DRC3: variants seen among roughly 807,000 people sequenced by gnomAD.
DRC3 encodes dynein regulatory complex subunit 3, also known as leucine rich repeat containing 48.
In DRC3, 45 loss-of-function variants were observed where a neutral mutation model predicts 57.6. That is an observed-to-expected ratio of 0.78 (90% confidence interval 0.62 to 1.00). The LOEUF is 1.00. Ranked by LOEUF, DRC3 falls within the 50% of genes least tolerant of loss-of-function variation. The probability of loss-of-function intolerance (pLI) is 0.00; values close to 1 mark genes in which losing one functional copy is unlikely to be tolerated. For synonymous variants in DRC3, 257 were observed against 272.3 expected, an observed-to-expected ratio of 0.94 and a Z score of 0.55; for missense variants, 655 against 675.2, an observed-to-expected ratio of 0.97 and a Z score of 0.33.
chr17:17,996,169 C>T (rs545751566), intron 8 of DRC3, among the ~76,000 whole-genome samples: 83 of 152,246 alleles, frequency 5.5e-4, no homozygotes, highest in Middle Eastern at 3.4e-3. Context: ...TACAGGCATG[C>T]GCCACCACAC....
At position 17,997,528 on chromosome 17, in the gene DRC3, G is replaced by A. The variant is rs201211532; in HGVS notation, c.893G>A (p.Arg298Gln). The A allele has an allele frequency of 2.2e-5, 36 of 1,611,460 alleles. No individual in the cohort carries two copies. In the East Asian group the frequency reaches 3.8e-4, roughly 17 times the overall value. The change falls in exon 9 of 14, where the codon CGG becomes CAG. Residue 298 changes from arginine to glutamine, a missense_variant. By Grantham distance (43) the Arg-to-Gln change is conservative. Transcript: ENST00000399187. ...FEYGLKQQEK[R>Q]KTELDTFSEC... The stretch of plus-strand genomic sequence containing the variant: ...TATGGCCTGAAACAGCAGGAGAAGC[G>A]GAAAACAGAGCTTGACACCTTCAGT...
At chr17:17,975,462 G>A (rs1056237548) in intron 2 of DRC3, among the ~76,000 whole-genome samples, 7 of 151,484 alleles carry the variant, frequency 4.6e-5, no homozygotes, top group East Asian at 3.9e-4. Context: ...CGCCCACCTC[G>A]GCCTCCCAAA....
intron 5 of DRC3, chr17:17,988,482 G>C: frequency 5.6e-6 from 1 of 177,798 alleles, no homozygotes; most frequent in Non-Finnish European, 1.2e-5. Flanking sequence ...CATAGTCAAG[G>C]CACAAGGAGA....
chr17:18,013,556 C>T (rs1568550248), intron 12 of DRC3, among the ~76,000 whole-genome samples: 2 of 152,184 alleles, frequency 1.3e-5, no homozygotes, highest in African/African-American at 4.8e-5. Context: ...TTAAACACCT[C>T]ATGTTCTCAC....
chr17:17,983,996 A>G, intron 4 of DRC3, 52 bp downstream of exon 4: 1 of 1,171,766 alleles, frequency 8.5e-7, no homozygotes, highest in Non-Finnish European at 1.3e-6. Context: ...ACACCCTGAC[A>G]AGGTTATTGC....
intron 12 of DRC3, among the ~76,000 whole-genome samples, chr17:18,014,788 C>T (rs1487925952): frequency 6.6e-6 from 1 of 152,198 alleles, no homozygotes; most frequent in Non-Finnish European, 1.5e-5. Flanking sequence ...CTCCTAAGCA[C>T]ACTGCCAAGG....
chr17:17,990,283 T>A (rs2043167043), intron 5 of DRC3, among the ~76,000 whole-genome samples: 1 of 152,130 alleles, frequency 6.6e-6, no homozygotes, highest in Non-Finnish European at 1.5e-5. Context: ...TTCCGTTGGG[T>A]CAAGCCACAG....
chr17:18,007,621 G>T, intron 12 of DRC3: 5 of 1,415,100 alleles, frequency 3.5e-6, no homozygotes, highest in Non-Finnish European at 4.6e-6. Context: ...AATCAGCAGG[G>T]TCGGCCTGAG....
At chr17:17,993,067 A>T in intron 6 of DRC3, 156 bp downstream of exon 6, 1 of 753,452 alleles carries the variant, frequency 1.3e-6, no homozygotes, top group Non-Finnish European at 2.1e-6. Flanking sequence ...TGACTCTGTC[A>T]GAGTGATTCC....
At chr17:18,014,994 T>A (rs1014833588) in intron 12 of DRC3, 1 of 152,120 alleles carries the variant, frequency 6.6e-6, no homozygotes, top group African/African-American at 2.4e-5. Flanking sequence ...AAAATCAGCA[T>A]CCCACAAGAC....
rs1210467018 is a variant in DRC3 at position 17,997,468 on chromosome 17, A to C, written c.833A>C (p.Asp278Ala). The C allele has an allele frequency of 6.2e-7, 1 of 1,613,124 alleles. No individual in the cohort carries two copies. Among genetic ancestry groups the C allele is most frequent in the Admixed American group, 1.7e-5 (1 of 59,832 alleles). Residue 278 changes from aspartate to alanine, a missense_variant, in exon 9 of 14, where the codon GAC (aspartate) becomes GCC (alanine). Coordinates refer to ENST00000399187, the MANE Select transcript of DRC3 (RefSeq NM_031294.4). ...GVGELLETYKDKFVIICVNIF... is the reference protein window; with the variant it reads ...GVGELLETYKAKFVIICVNIF... ...CCTTAACAGCCACTCACCTACAAGG[A>C]CAAGTTTGTCATCATCTGCGTGAAT... is the stretch of plus-strand genomic sequence containing the variant.
At chr17:17,993,170 A>G in intron 6 of DRC3, 1 of 381,318 alleles carries the variant, frequency 2.6e-6, no homozygotes, top group South Asian at 3.8e-5. Context: ...GCCATCCTGC[A>G]CTGTCTAGTT....
chr17:18,010,760 G>A (rs1033039038), intron 12 of DRC3: 1 of 253,754 alleles, frequency 3.9e-6, no homozygotes, highest in African/African-American at 2.3e-5. Context: ...CAGGGGCTGA[G>A]GCTGCGGGGA....
At chr17:17,995,199 C>A (rs2145346097) in intron 8 of DRC3, 88 bp downstream of exon 8, 1 of 901,804 alleles carries the variant, frequency 1.1e-6, no homozygotes, top group Non-Finnish European at 1.8e-6. Context: ...TCAGTTTCTT[C>A]ATCTCTCTTG....
chr17:17,997,784 C>A, intron 9 of DRC3, 150 bp downstream of exon 9: 21 of 768,152 alleles, frequency 2.7e-5, no homozygotes, highest in Non-Finnish European at 3.9e-5. Flanking sequence ...AGAGATCATA[C>A]AGCTAATCAG....
In DRC3 at chr17:18,016,603, A is replaced by T; in HGVS notation, c.1504A>T (p.Ile502Phe). 1 of 1,613,932 alleles carries T rather than the reference A, an allele frequency of 6.2e-7. No homozygotes were observed. The highest frequency in any genetic ancestry group is 1.3e-5 in the African/African-American group (1 of 75,038). The stretch of plus-strand genomic sequence containing the variant: ...GAGGAACCGCAAGCGCGTGAAGGAG[A>T]TCAATCAGTACATCGACCACATGCA... Reference protein sequence around the residue: ...IMRNRKRVKEINQYIDHMQSE... With the variant: ...IMRNRKRVKEFNQYIDHMQSE... Residue 502 changes from isoleucine to phenylalanine, a missense_variant, in exon 14 of 14, where the codon ATC becomes TTC. By Grantham distance (21) the Ile-to-Phe change is conservative. Transcript: ENST00000399187.
In DRC3 at chr17:17,972,903, G is replaced by T. The variant is rs28366007; in HGVS notation, c.-200G>T. 6.5e-6 allele frequency: 1 copy of T among 152,842 alleles called. No individual in the cohort carries two copies. The highest frequency in any genetic ancestry group is 2.4e-5 in the African/African-American group (1 of 41,530). The allele number at this position is 152,842 out of a possible 1,614,324, so 9.5% of individuals were successfully genotyped here. ...GACTTCCCCTTAGCAACCAAGTCGC[G>T]GCGCTTGGTTCCCCAGCAACCGGGA... On this transcript the variant is annotated 5_prime_UTR_variant, in exon 1 of 14. Transcript: ENST00000399187.
intron 3 of DRC3, chr17:17,978,115 C>G (rs1201200376): frequency 5.5e-6 from 1 of 181,384 alleles, no homozygotes; most frequent in Non-Finnish European, 1.2e-5. Flanking sequence ...CCTAGGAAGT[C>G]CCACGTAGCC....
In DRC3 at chr17:17,982,301, C is replaced by T. The variant is rs145702292; in HGVS notation, c.161-1527C>T. On this transcript the variant is annotated intron_variant, in intron 3 of 13. Coordinates refer to ENST00000399187, the MANE Select transcript of DRC3 (RefSeq NM_031294.4). ...CGCAATCTCGGCTCACTGAAAGCTC[C>T]GCCTCCTGGGTTCACGCCATTCTCC... 3.2e-4 allele frequency among the ~76,000 whole-genome samples: 48 copies of T among 147,886 alleles called. No homozygotes were observed. The East Asian group carries it at 6.0e-3, about 18-fold the overall frequency.
Sources: gnomAD v4.1 joint callset for allele counts (sites outside exome capture counted in the v4.1 genomes callset) on GRCh38, gnomAD v4.1.1 for gene constraint, MANE v1.5 for transcripts, NCBI Gene and HGNC (gene_info 2026-07-23, HGNC 2026-07-21) for gene names.